The following MRTFB variants were observed in gnomAD, a reference collection of about 807,000 sequenced individuals.
The protein encoded by MRTFB is myocardin related transcription factor B, also known as myocardin-related transcription factor B.
MRTFB carries 29 observed loss-of-function variants against 104.2 expected under a neutral mutation model. The observed-to-expected ratio is 0.28, with a 90% CI of 0.21 to 0.38. MRTFB has a LOEUF of 0.38. MRTFB is among the 10% of genes least tolerant of loss of function. The pLI, the probability that MRTFB is intolerant of heterozygous loss-of-function variation, is 1.00. For synonymous variants in MRTFB, 535 were observed against 519.5 expected (o/e 1.03, Z -0.41); for missense variants, 1,270 against 1,341.6 (o/e 0.95, Z 0.83).
At chr16:14,211,050 A>G (rs2041170318) in intron 4 of MRTFB, among the ~76,000 whole-genome samples, 3 of 152,204 alleles carry the variant, frequency 2.0e-5, no homozygotes, top group Admixed American at 2.0e-4. Context: ...AAAACACTAG[A>G]AAGAAATTAC....
At chr16:14,234,757 T>C (rs1028839888) in intron 9 of MRTFB, among the ~76,000 whole-genome samples, 2 of 151,966 alleles carry the variant, frequency 1.3e-5, no homozygotes, top group Non-Finnish European at 2.9e-5. Flanking sequence ...ATCACACCAT[T>C]GCACTCTAGC....
intron 2 of MRTFB, among the ~76,000 whole-genome samples, chr16:14,117,185 C>G (rs1451813210): frequency 6.6e-6 from 1 of 152,366 alleles, no homozygotes; most frequent in African/African-American, 2.4e-5. Flanking sequence ...CACAGAATCT[C>G]CTGATCTGCT....
At chr16:14,186,834 G>A (rs1367373174) in intron 3 of MRTFB, 4 of 1,590,500 alleles carry the variant, frequency 2.5e-6, no homozygotes, top group Admixed American at 1.7e-5. Flanking sequence ...GGACCAGAGT[G>A]TTCTGCGCAC....
chr16:14,048,221 G>A, the MRTFB span, among the ~76,000 whole-genome samples: 3 of 152,194 alleles, frequency 2.0e-5, no homozygotes, highest in Non-Finnish European at 4.4e-5. Flanking sequence ...CAAGAGGTGG[G>A]TTCCCATGGT....
At chr16:14,234,340 A>G in intron 9 of MRTFB, 57 bp downstream of exon 9, 2 of 1,556,054 alleles carry the variant, frequency 1.3e-6, no homozygotes, top group South Asian at 2.4e-5. Flanking sequence ...TCTGTCTATA[A>G]CCCTGTGAAT....
intron 3 of MRTFB, among the ~76,000 whole-genome samples, chr16:14,186,447 GGA>G (rs2039955506): frequency 6.6e-6 from 1 of 152,220 alleles, no homozygotes; most frequent in African/African-American, 2.4e-5. Context: ...ATAGAGAGCG[GGA>G]GAGAGACCAC....
At chr16:14,184,368 A>G (rs1038562919) in intron 3 of MRTFB, among the ~76,000 whole-genome samples, 1 of 151,912 alleles carries the variant, frequency 6.6e-6, no homozygotes, top group Non-Finnish European at 1.5e-5. Flanking sequence ...GATTATAGGT[A>G]TGTGCTACCA....
the MRTFB span, among the ~76,000 whole-genome samples, chr16:14,035,121 G>A: frequency 9.2e-5 from 14 of 152,232 alleles, no homozygotes; most frequent in East Asian, 5.8e-4. Context: ...ACCACGAGTA[G>A]TGGAAGTCAC....
chr16:14,090,026 A>G (rs1390118433), intron 2 of MRTFB, among the ~76,000 whole-genome samples: 1 of 152,118 alleles, frequency 6.6e-6, no homozygotes, highest in African/African-American at 2.4e-5. Context: ...GTATACACAC[A>G]CACCCCCAAA....
intron 2 of MRTFB, among the ~76,000 whole-genome samples, chr16:14,098,037 G>T (rs576817644): frequency 1.3e-5 from 2 of 152,214 alleles, no homozygotes; most frequent in African/African-American, 4.8e-5. Flanking sequence ...CCAGTTTTGG[G>T]CTATTACAAA....
chr16:14,066,432 C>A (rs1033892014), upstream of MRTFB, among the ~76,000 whole-genome samples: 1 of 151,888 alleles, frequency 6.6e-6, no homozygotes, highest in Non-Finnish European at 1.5e-5. Context: ...TGCCACCACA[C>A]CTGGCTAATT....
chr16:14,176,351 G>A (rs1340159542), intron 3 of MRTFB, among the ~76,000 whole-genome samples: 2 of 152,224 alleles, frequency 1.3e-5, no homozygotes, highest in Non-Finnish European at 2.9e-5. Flanking sequence ...CGAAGATGGG[G>A]TAAGGGGTTT....
At chr16:14,210,672 A>G (rs1388630692) in intron 4 of MRTFB, among the ~76,000 whole-genome samples, 2 of 152,198 alleles carry the variant, frequency 1.3e-5, no homozygotes, top group Non-Finnish European at 2.9e-5. Context: ...CATAAAATTA[A>G]TTTACAATTT....
At chr16:14,052,177 G>A in the MRTFB span, among the ~76,000 whole-genome samples, 1 of 152,164 alleles carries the variant, frequency 6.6e-6, no homozygotes, top group Non-Finnish European at 1.5e-5. Flanking sequence ...TGTTCTTTAC[G>A]TGGTAGGATT....
the MRTFB span, among the ~76,000 whole-genome samples, chr16:14,050,496 G>A: frequency 6.6e-6 from 1 of 152,120 alleles, no homozygotes; most frequent in Admixed American, 6.6e-5. Context: ...ATGCATGCCT[G>A]TAATCCTACT....
chr16:14,093,126 T>G (rs1361034034), intron 2 of MRTFB, among the ~76,000 whole-genome samples: 2 of 152,158 alleles, frequency 1.3e-5, no homozygotes, highest in Non-Finnish European at 2.9e-5. Flanking sequence ...GTCTTCCCTC[T>G]GTAGTCAGGA....
chr16:14,026,247 T>G, the MRTFB span, among the ~76,000 whole-genome samples: 1,298 of 152,344 alleles, frequency 8.5e-3, 9 homozygotes, highest in Non-Finnish European at 0.014. Flanking sequence ...TCATTGTGAC[T>G]GTGAAGTATA....
In MRTFB at chr16:14,246,787, C is replaced by T. The variant is rs749000558; in HGVS notation, c.1527C>T (p.Pro509=). Residue 509 remains proline (P), a synonymous_variant, in exon 12 of 17, where the codon CCC becomes CCT. Coordinates refer to ENST00000571589, the MANE Select transcript of MRTFB (RefSeq NM_001308142.2). ...VHSPLPISPS[P]SEQSSLSTDD... is the part of the protein sequence containing the mutation. ...CCCCTCTGCCCATTTCACCATCTCC[C>T]TCCGAACAGTCCAGTCTCAGTACTG... 7 of 1,613,850 alleles carry T rather than the reference C, an allele frequency of 4.3e-6. No homozygotes were observed. The East Asian group carries it at 1.6e-4, about 36-fold the overall frequency.
chr16:14,255,806 C>G (rs115632813), intron 15 of MRTFB, among the ~76,000 whole-genome samples: 1 of 149,398 alleles, frequency 6.7e-6, no homozygotes, highest in African/African-American at 2.6e-5. Context: ...TTCAAGATAG[C>G]TTTTAAAAAA....
Sources: allele counts gnomAD v4.1 joint callset (sites outside exome capture counted in the v4.1 genomes callset), GRCh38; gene constraint gnomAD v4.1.1; transcripts MANE v1.5; gene names NCBI Gene and HGNC (gene_info 2026-07-23, HGNC 2026-07-21).